Variants in CACNA2D3 observed in about 807,000 individuals in gnomAD.
CACNA2D3 encodes calcium voltage-gated channel auxiliary subunit alpha2delta 3.
A neutral mutation model predicts 160.6 loss-of-function variants in CACNA2D3; 60 were observed. The ratio of observed to expected loss-of-function variants is 0.37; its 90% CI spans 0.30 to 0.46. CACNA2D3 has a LOEUF of 0.46. Ranked by LOEUF, CACNA2D3 falls within the 20% of genes least tolerant of loss-of-function variation. The pLI is 1.00. For missense variants in CACNA2D3, 1,205 were observed against 1,365.0 expected (o/e 0.88, Z 1.85); for synonymous variants, 558 against 492.9 (o/e 1.13, Z -1.75).
chr3:54,167,525 C>T (rs553937970), intron 2 of CACNA2D3, among the ~76,000 whole-genome samples: 21 of 152,284 alleles, frequency 1.4e-4, no homozygotes, highest in Non-Finnish European at 2.8e-4. Context: ...GACCAGCTCC[C>T]GTGGAGTCTT....
intron 27 of CACNA2D3, among the ~76,000 whole-genome samples, chr3:54,933,102 T>A (rs369937854): frequency 1.7e-5 from 2 of 114,746 alleles, no homozygotes; most frequent in South Asian, 2.7e-4. Flanking sequence ...CCTTCCTTCC[T>A]TCCTTCCTTC....
At position 54,760,277 on chromosome 3, in the gene CACNA2D3, A is replaced by G. The variant is rs78574378; in HGVS notation, c.1247-3941A>G. Among the ~76,000 whole-genome samples the G allele has an allele frequency of 5.2e-3, 798 of 152,150 alleles. 6 individuals carry two copies. Among genetic ancestry groups the G allele is most frequent in the African/African-American group, 0.018 (747 of 41,494 alleles). Reference sequence around the variant, plus strand: ...GAGCCCTGAGTGACAAAAAGGAACCAAACATGGAAAATGGGATAAAGGGTG... The same window carrying G: ...GAGCCCTGAGTGACAAAAAGGAACCGAACATGGAAAATGGGATAAAGGGTG... On this transcript the variant is annotated intron_variant, in intron 12 of 37. Coordinates refer to ENST00000474759, the MANE Select transcript of CACNA2D3 (RefSeq NM_018398.3).
At chr3:54,378,162 G>A (rs776984858) in intron 3 of CACNA2D3, among the ~76,000 whole-genome samples, 5 of 152,240 alleles carry the variant, frequency 3.3e-5, no homozygotes, top group Middle Eastern at 6.8e-3. Context: ...TCAGGTCAGC[G>A]GTCCCCAACC....
At chr3:54,509,289 GTT>G (rs1491396725) in intron 5 of CACNA2D3, among the ~76,000 whole-genome samples, 1 of 24,584 alleles carries the variant, frequency 4.1e-5, no homozygotes, top group African/African-American at 5.3e-5. Context: ...GTGTGTGTGT[GTT>G]TGTGTGTGTG....
intron 2 of CACNA2D3, among the ~76,000 whole-genome samples, chr3:54,127,846 CA>C (rs1699626494): frequency 1.3e-5 from 2 of 152,170 alleles, no homozygotes; most frequent in Admixed American, 1.3e-4. Flanking sequence ...GCATATAGCT[CA>C]TTGCACTTGT....
In CACNA2D3 at chr3:54,122,773, C is replaced by A. The variant is rs772298560; in HGVS notation, c.60C>A (p.Ala20=). 111 of 1,228,242 alleles carry A rather than the reference C, an allele frequency of 9.0e-5. No homozygotes were observed. The highest frequency in any genetic ancestry group is 1.7e-4 in the Admixed American group (4 of 23,308). The allele number at this position is 1,228,242 out of a possible 1,614,324, so 76.1% of individuals were successfully genotyped here. Residue 20 remains alanine, a synonymous_variant, in exon 1 of 38, where the codon GCC becomes GCA. Coordinates refer to ENST00000474759, the MANE Select transcript of CACNA2D3 (RefSeq NM_018398.3). ...ASRGASALLA[A]ALLYAALGDV... ...GGGGGGCCTCGGCGCTTCTCGCTGC[C>A]GCGCTTCTCTACGCCGCGCTGGGGG...
chr3:54,779,710 T>G (rs1032518018), intron 13 of CACNA2D3, among the ~76,000 whole-genome samples: 6 of 152,214 alleles, frequency 3.9e-5, no homozygotes, highest in African/African-American at 1.4e-4. Context: ...CTGCTCTGCT[T>G]CTCTACTGGG....
At chr3:54,226,607 A>G (rs988457409) in intron 2 of CACNA2D3, among the ~76,000 whole-genome samples, 8 of 151,898 alleles carry the variant, frequency 5.3e-5, no homozygotes, top group South Asian at 4.1e-4. Context: ...CTGGCCTGCA[A>G]TTCCCTTCTT....
intron 13 of CACNA2D3, among the ~76,000 whole-genome samples, chr3:54,804,577 C>A (rs1703071750): frequency 6.6e-6 from 1 of 152,140 alleles, no homozygotes; most frequent in Non-Finnish European, 1.5e-5. Flanking sequence ...TACAAAGAGA[C>A]TTAGACTCCC....
At chr3:54,266,231 G>A (rs1365676840) in intron 2 of CACNA2D3, among the ~76,000 whole-genome samples, 1 of 152,152 alleles carries the variant, frequency 6.6e-6, no homozygotes, top group East Asian at 1.9e-4. Flanking sequence ...GAGGGATGTT[G>A]GAACATGAGA....
intron 2 of CACNA2D3, among the ~76,000 whole-genome samples, chr3:54,303,818 G>GTTTTTTGTTTTTTTTTTTTTTTTT (rs59534343): frequency 2.6e-5 from 3 of 115,006 alleles, no homozygotes; most frequent in Non-Finnish European, 3.4e-5. Flanking sequence ...CTTTTTTTCT[G>GTTTTTTGTTTTTTTTTTTTTTTTT]TTTTTTTTTT....
At chr3:54,440,861 C>T (rs917767844) in intron 4 of CACNA2D3, among the ~76,000 whole-genome samples, 3 of 152,158 alleles carry the variant, frequency 2.0e-5, no homozygotes, top group Non-Finnish European at 2.9e-5. Context: ...GTATATGTGC[C>T]ACATTTTCTT....
At chr3:54,514,217 G>T (rs1559501797) in intron 5 of CACNA2D3, among the ~76,000 whole-genome samples, 1 of 152,132 alleles carries the variant, frequency 6.6e-6, no homozygotes, top group Admixed American at 6.5e-5. Flanking sequence ...ACACATAGGG[G>T]ATATTTCTGT....
At chr3:54,638,149 T>A (rs559394063) in intron 10 of CACNA2D3, 1 of 152,052 alleles carries the variant, frequency 6.6e-6, no homozygotes, top group South Asian at 2.1e-4. Flanking sequence ...GTTTTTGGAG[T>A]TTTATTTAAT....
At chr3:54,936,590 T>C (rs900987667) in intron 27 of CACNA2D3, among the ~76,000 whole-genome samples, 1 of 152,146 alleles carries the variant, frequency 6.6e-6, no homozygotes, top group Non-Finnish European at 1.5e-5. Context: ...ATAGTGATGT[T>C]CTCATCTTTT....
At chr3:55,021,633 A>ATATATATATGTG (rs1462485341) in intron 35 of CACNA2D3, among the ~76,000 whole-genome samples, 1 of 132,442 alleles carries the variant, frequency 7.6e-6, no homozygotes, top group Non-Finnish European at 1.6e-5. Flanking sequence ...GTGTATATAT[A>ATATATATATGTG]TATATATATA....
At chr3:54,391,722 G>C (rs1699285899) in intron 4 of CACNA2D3, among the ~76,000 whole-genome samples, 1 of 152,054 alleles carries the variant, frequency 6.6e-6, no homozygotes, top group Admixed American at 6.6e-5. Context: ...TGTTGGTTAG[G>C]CTGTTCTCGA....
intron 9 of CACNA2D3, among the ~76,000 whole-genome samples, chr3:54,625,574 C>A (rs183620708): frequency 3.9e-4 from 60 of 152,296 alleles, no homozygotes; most frequent in African/African-American, 1.4e-3. Context: ...GTTGCTATGA[C>A]AGTGGAGCGG....
chr3:54,616,591 T>C (rs777188579), intron 9 of CACNA2D3, among the ~76,000 whole-genome samples: 12 of 152,176 alleles, frequency 7.9e-5, no homozygotes, highest in Non-Finnish European at 1.2e-4. Context: ...GTGAGAATCA[T>C]AGGAGGCCAT....
Sources: allele counts gnomAD v4.1 joint callset (sites outside exome capture counted in the v4.1 genomes callset), GRCh38; gene constraint gnomAD v4.1.1; transcripts MANE v1.5; gene names NCBI Gene and HGNC (gene_info 2026-07-23, HGNC 2026-07-21).